MKLN1: variants seen among roughly 807,000 people sequenced by gnomAD.
MKLN1 encodes the protein muskelin 1, also known as muskelin.
MKLN1 carries 18 observed loss-of-function variants against 99.0 expected under a neutral mutation model. The ratio of observed to expected loss-of-function variants is 0.18; its 90% confidence interval spans 0.13 to 0.27. The LOEUF (loss-of-function observed/expected upper bound fraction) is 0.27, where lower values mean the gene tolerates loss of function less well. Among genes scored for constraint, MKLN1 ranks in the 10% least tolerant of loss-of-function variants. The probability of loss-of-function intolerance (pLI) is 1.00; values close to 1 mark genes in which losing one functional copy is unlikely to be tolerated. For synonymous variants in MKLN1, 288 were observed against 293.2 expected, an observed-to-expected ratio of 0.98 and a Z score of 0.18; for missense variants, 621 against 875.9, an observed-to-expected ratio of 0.71 and a Z score of 3.67.
At chr7:131,258,387 T>C (rs1797688249) in intron 3 of MKLN1, among the ~76,000 whole-genome samples, 1 of 59,542 alleles carries the variant, frequency 1.7e-5, no homozygotes, top group Non-Finnish European at 4.7e-5. Flanking sequence ...GGAAGTGTCC[T>C]AACAGAGACA....
chr7:131,168,875 T>C (rs950923059), intron 2 of MKLN1, among the ~76,000 whole-genome samples: 2 of 151,374 alleles, frequency 1.3e-5, no homozygotes, highest in Non-Finnish European at 2.9e-5. Flanking sequence ...TTTTCTTTTT[T>C]TTTTTTTTTT....
intron 1 of MKLN1, among the ~76,000 whole-genome samples, chr7:131,351,300 C>T (rs1426075277): frequency 6.6e-6 from 1 of 151,978 alleles, no homozygotes; most frequent in African/African-American, 2.4e-5. Flanking sequence ...TTGCTGTTTT[C>T]TTTTTATCCA....
chr7:131,161,598 C>T (rs899328658), intron 2 of MKLN1, among the ~76,000 whole-genome samples: 2 of 152,134 alleles, frequency 1.3e-5, no homozygotes, highest in African/African-American at 4.8e-5. Context: ...GTCGCCCAGG[C>T]TGGAGTGCAG....
intron 3 of MKLN1, among the ~76,000 whole-genome samples, chr7:131,321,070 C>T (rs190004214): frequency 1.3e-5 from 2 of 152,320 alleles, no homozygotes; most frequent in African/African-American, 4.8e-5. Flanking sequence ...ACCCAGCAAT[C>T]CCATTACTGG....
At chr7:131,379,813 G>T (rs1041900419) in intron 2 of MKLN1, among the ~76,000 whole-genome samples, 20 of 152,218 alleles carry the variant, frequency 1.3e-4, no homozygotes, top group African/African-American at 4.8e-4. Context: ...AACATCTCAT[G>T]TACCCTGTAA....
intron 3 of MKLN1, among the ~76,000 whole-genome samples, chr7:131,288,171 G>A (rs1798160791): frequency 6.6e-6 from 1 of 151,970 alleles, no homozygotes; most frequent in African/African-American, 2.4e-5. Flanking sequence ...GTGCCCTCTG[G>A]CTTACTGTTG....
At chr7:131,347,782 G>A (rs1799608318) in intron 1 of MKLN1, among the ~76,000 whole-genome samples, 3 of 152,016 alleles carry the variant, frequency 2.0e-5, no homozygotes, top group African/African-American at 7.3e-5. Flanking sequence ...TTAATCTGAT[G>A]CCTATTATTG....
At chr7:131,400,775 A>G (rs1439954382) in intron 6 of MKLN1, among the ~76,000 whole-genome samples, 1 of 152,072 alleles carries the variant, frequency 6.6e-6, no homozygotes, top group Non-Finnish European at 1.5e-5. Flanking sequence ...AGATTAGCTG[A>G]TAAAAATCTT....
intron 10 of MKLN1, among the ~76,000 whole-genome samples, chr7:131,442,511 C>T (rs1795868101): frequency 6.6e-6 from 1 of 152,056 alleles, no homozygotes; most frequent in South Asian, 2.1e-4. Context: ...CATGCTGTTG[C>T]ACTCTAGCCT....
At chr7:131,472,117 A>G (rs929529383) in intron 16 of MKLN1, 3 of 152,244 alleles carry the variant, frequency 2.0e-5, no homozygotes, top group Admixed American at 6.5e-5. Context: ...GTGGCAGAAT[A>G]TGTTTGATTT....
intron 2 of MKLN1, chr7:131,202,748 T>C (rs1272929757): frequency 6.6e-6 from 1 of 152,170 alleles, no homozygotes; most frequent in African/African-American, 2.4e-5. Context: ...TTAAAATCAC[T>C]GGGCTAGTGT....
At chr7:131,442,233 G>T (rs1366425724) in intron 10 of MKLN1, among the ~76,000 whole-genome samples, 1 of 152,158 alleles carries the variant, frequency 6.6e-6, no homozygotes, top group African/African-American at 2.4e-5. Context: ...AATAACTACA[G>T]TTTTTTAAAA....
At chr7:131,386,810 G>A (rs752650562) in intron 2 of MKLN1, among the ~76,000 whole-genome samples, 6 of 152,182 alleles carry the variant, frequency 3.9e-5, no homozygotes, top group Admixed American at 2.6e-4. Flanking sequence ...GTTTTGCATA[G>A]TTTGGTTATA....
intron 4 of MKLN1, among the ~76,000 whole-genome samples, chr7:131,394,638 C>A (rs1426468943): frequency 1.3e-5 from 2 of 151,938 alleles, no homozygotes; most frequent in Admixed American, 6.5e-5. Context: ...GGGTTTGGGA[C>A]CCCTGTTTTA....
chr7:131,471,934 T>C (rs970136742), intron 16 of MKLN1: 1 of 152,244 alleles, frequency 6.6e-6, no homozygotes, highest in African/African-American at 2.4e-5. Flanking sequence ...AGTTTCGTAC[T>C]ATAAAATTAA....
At chr7:131,153,033 A>ATTT (rs1220395745) in intron 2 of MKLN1, among the ~76,000 whole-genome samples, 7 of 138,266 alleles carry the variant, frequency 5.1e-5, no homozygotes, top group Admixed American at 2.2e-4. Flanking sequence ...ATATATATAT[A>ATTT]TTTTTTTTTT....
upstream of MKLN1, chr7:131,324,568 G>A (rs1344603478): frequency 1.3e-5 from 2 of 152,188 alleles, no homozygotes; most frequent in Admixed American, 1.3e-4. Flanking sequence ...GATTTTTAAA[G>A]GGAAAGATGA....
chr7:131,289,702 C>G (rs958334224), intron 3 of MKLN1, among the ~76,000 whole-genome samples: 1 of 152,198 alleles, frequency 6.6e-6, no homozygotes, highest in South Asian at 2.1e-4. Flanking sequence ...GTTTCCTCAT[C>G]TGGAAAAGGT....
intron 3 of MKLN1, among the ~76,000 whole-genome samples, chr7:131,281,631 T>A (rs1016636834): frequency 6.6e-6 from 1 of 152,176 alleles, no homozygotes; most frequent in African/African-American, 2.4e-5. Context: ...TCATTGCTAG[T>A]GTATAGAAAT....
Sources: allele counts gnomAD v4.1 joint callset (sites outside exome capture counted in the v4.1 genomes callset), GRCh38; gene constraint gnomAD v4.1.1; transcripts MANE v1.5; gene names NCBI Gene and HGNC (gene_info 2026-07-23, HGNC 2026-07-21).